Variants in NHSL2 observed in about 807,000 individuals in gnomAD.
The protein encoded by NHSL2 is NHS-like protein 2.
Under a neutral mutation model 53.4 loss-of-function variants are expected in NHSL2, and 27 were observed. The ratio of observed to expected loss-of-function variants is 0.51; its 90% CI spans 0.37 to 0.70. The LOEUF (loss-of-function observed/expected upper bound fraction) is 0.70, where lower values mean the gene tolerates loss of function less well. Ranked by LOEUF, NHSL2 falls within the 30% of genes least tolerant of loss-of-function variation. NHSL2 has a pLI of 0.00. For synonymous variants in NHSL2, 408 were observed against 404.1 expected, an observed-to-expected ratio of 1.01 and a Z score of -0.12; for missense variants, 892 against 980.1, an observed-to-expected ratio of 0.91 and a Z score of 1.20.
chrX:71,974,361 A>G (rs1427736978), intron 1 of NHSL2, among the ~76,000 whole-genome samples: 1 of 112,325 alleles, frequency 8.9e-6, no homozygotes, highest in Non-Finnish European at 1.9e-5. Flanking sequence ...CTTACTTTAA[A>G]AAAAATAAAG....
At chrX:71,937,087 C>G (rs1210780835) in intron 1 of NHSL2, among the ~76,000 whole-genome samples, 4 of 111,842 alleles carry the variant, frequency 3.6e-5, no homozygotes, top group African/African-American at 1.3e-4. Context: ...TCTTTTTGAC[C>G]TCAAACTCTA....
Position 72,134,720 on chromosome X carries a change from A to C in NHSL2, c.760+16A>C, listed in dbSNP as rs756088055. 5.3e-6 allele frequency: 6 copies of C among 1,128,833 alleles called. No homozygotes were observed. The South Asian group carries it at 1.2e-4, about 22-fold the overall frequency. The allele number at this position is 1,128,833 out of a possible 1,213,427, so 93.0% of individuals were successfully genotyped here. A position where few individuals can be genotyped will look rare whatever the true frequency, so the allele number is the denominator to read the frequency against. On this transcript the variant is annotated intron_variant, in intron 4 of 7. Transcript: ENST00000633930. Reference sequence around the variant, plus strand: ...AACATCTCTGGTAGAGTTGCTTAGCACCGCCTTTGTCTTCTTCCCTTCATG... The same window carrying C: ...AACATCTCTGGTAGAGTTGCTTAGCCCCGCCTTTGTCTTCTTCCCTTCATG...
intron 1 of NHSL2, among the ~76,000 whole-genome samples, chrX:72,069,312 C>A (rs1314912565): frequency 1.8e-5 from 2 of 108,549 alleles, no homozygotes; most frequent in Non-Finnish European, 3.8e-5. Context: ...GAAGTGGGGG[C>A]CACTTTCAGG....
chrX:72,048,070 G>GATAATAATA (rs1556340452), intron 1 of NHSL2, among the ~76,000 whole-genome samples: 13 of 101,793 alleles, frequency 1.3e-4, no homozygotes, highest in African/African-American at 4.8e-4. Context: ...CACTCATGAT[G>GATAATAATA]ATAACAATAA....
At chrX:71,969,595 G>C (rs950189552) in intron 1 of NHSL2, among the ~76,000 whole-genome samples, 6 of 112,315 alleles carry the variant, frequency 5.3e-5, no homozygotes, top group African/African-American at 1.9e-4. Flanking sequence ...TTACAGGCGT[G>C]AGCCATCACG....
At chrX:72,067,212 G>T (rs1178229913) in intron 1 of NHSL2, among the ~76,000 whole-genome samples, 1 of 111,172 alleles carries the variant, frequency 9.0e-6, no homozygotes, top group Non-Finnish European at 1.9e-5. Context: ...TCAACTTCTT[G>T]ACCTAAGTAG....
chrX:71,911,428 T>C (rs2041601686), intron 1 of NHSL2, 61 bp downstream of exon 1: 1 of 981,754 alleles, frequency 1.0e-6, no homozygotes, highest in African/African-American at 2.0e-5. Context: ...GGGGCGCCGG[T>C]CGGCGCTTAG....
chrX:71,964,043 G>GTGTATATATATATGTGTGTGTGTA (rs1319267507), intron 1 of NHSL2, among the ~76,000 whole-genome samples: 13 of 53,076 alleles, frequency 2.4e-4, no homozygotes, highest in South Asian at 1.2e-3. Flanking sequence ...ATATATATAT[G>GTGTATATATATATGTGTGTGTGTA]TATATATATA....
intron 4 of NHSL2, 138 bp from the exon 5 acceptor site, chrX:72,136,956 G>A: frequency 3.8e-6 from 2 of 524,371 alleles, no homozygotes; most frequent in Middle Eastern, 3.7e-4. Context: ...AGTTGGGAAG[G>A]ATGAGGAAGA....
At chrX:72,125,761 AGCCCAC>A (rs2042219654) in intron 1 of NHSL2, among the ~76,000 whole-genome samples, 1 of 111,906 alleles carries the variant, frequency 8.9e-6, no homozygotes. Flanking sequence ...TCACTGATGA[AGCCCAC>A]GACCCCATAA....
At position 72,147,145 on chromosome X, in the gene NHSL2, C is replaced by G. The variant is rs758341419; in HGVS notation, c.*3571C>G. ...GATCTGTCCACGCACCTGCCCTCTT[C>G]CTCATCAATGAACAAGTTGGGAAAA... On this transcript the variant is annotated 3_prime_UTR_variant, in exon 8 of 8. Transcript: ENST00000633930. 8 of 112,196 alleles carry G rather than the reference C, an allele frequency of 7.1e-5. No homozygotes were observed. Among genetic ancestry groups the G allele is most frequent in the Non-Finnish European group, 1.1e-4 (6 of 53,269 alleles). The allele number at this position is 112,196 out of a possible 1,213,427, so 9.2% of individuals were successfully genotyped here. A position where few individuals can be genotyped will look rare whatever the true frequency, so the allele number is the denominator to read the frequency against.
intron 1 of NHSL2, among the ~76,000 whole-genome samples, chrX:72,004,751 C>T (rs1224375262): frequency 9.4e-6 from 1 of 106,895 alleles, no homozygotes; most frequent in Non-Finnish European, 1.9e-5. Flanking sequence ...TGGGCGAGAA[C>T]CTTTCAGGCC....
chrX:72,140,105 G>T lies in NHSL2; in HGVS notation c.2557G>T (p.Glu853Ter). The T allele has an allele frequency of 8.3e-7, 1 of 1,210,037 alleles. No individual in the cohort carries two copies. Among genetic ancestry groups the T allele is most frequent in the South Asian group, 1.8e-5 (1 of 56,678 alleles). Reference protein sequence around the residue: ...DDIESPEYAEEPRAEEVFTLP... With the variant: ...DDIESPEYAE ...TATTGAGAGCCCTGAGTATGCCGAG[G>T]AACCCAGAGCAGAAGAAGTCTTCAC... Residue 853 changes from glutamate (E) to a stop codon, truncating the protein, a stop_gained, in exon 6 of 8, where the codon GAA (glutamate) becomes TAA (stop). Transcript: ENST00000633930. LOFTEE classifies it high-confidence loss of function.
chrX:72,011,003 G>A (rs182639220), intron 1 of NHSL2, among the ~76,000 whole-genome samples: 1 of 112,316 alleles, frequency 8.9e-6, no homozygotes, highest in African/African-American at 3.2e-5. Flanking sequence ...TTTCAACCAG[G>A]TTATGTAGTA....
chrX:71,965,181 C>T (rs2041895834), intron 1 of NHSL2, among the ~76,000 whole-genome samples: 1 of 112,326 alleles, frequency 8.9e-6, no homozygotes. Context: ...AAAAAGCCAT[C>T]ACCATACACC....
intron 1 of NHSL2, among the ~76,000 whole-genome samples, chrX:71,934,147 A>G (rs755822776): frequency 1.6e-4 from 18 of 111,345 alleles, no homozygotes; most frequent in Admixed American, 9.5e-4. Flanking sequence ...CCTGTCCTCT[A>G]TCCTCGTTTT....
At chrX:71,995,995 C>A (rs1169048912) in intron 1 of NHSL2, among the ~76,000 whole-genome samples, 1 of 112,106 alleles carries the variant, frequency 8.9e-6, no homozygotes, top group East Asian at 2.8e-4. Context: ...TTCTCAGGAA[C>A]AGATCACGTA....
intron 1 of NHSL2, among the ~76,000 whole-genome samples, chrX:72,089,478 G>C (rs1212977500): frequency 1.8e-5 from 2 of 111,144 alleles, no homozygotes; most frequent in Non-Finnish European, 3.8e-5. Context: ...TATAGCGTGA[G>C]TGAAAGGAAG....
intron 1 of NHSL2, among the ~76,000 whole-genome samples, chrX:71,968,721 G>A (rs996909429): frequency 8.9e-6 from 1 of 112,068 alleles, no homozygotes; most frequent in Non-Finnish European, 1.9e-5. Flanking sequence ...CTCAGATAGA[G>A]GTCCTACTTT....
Sources: allele counts gnomAD v4.1 joint callset (sites outside exome capture counted in the v4.1 genomes callset), GRCh38; gene constraint gnomAD v4.1.1; transcripts MANE v1.5; gene names NCBI Gene and HGNC (gene_info 2026-07-23, HGNC 2026-07-21).